The following HUNK variants were observed in gnomAD, a reference collection of about 807,000 sequenced individuals.
The protein encoded by HUNK is hormonally up-regulated Neu-associated kinase, also known as hormonally up-regulated neu tumor-associated kinase.
A neutral mutation model predicts 61.0 loss-of-function variants in HUNK; 21 were observed. The ratio of observed to expected loss-of-function variants is 0.34; its 90% CI spans 0.24 to 0.50. The LOEUF (loss-of-function observed/expected upper bound fraction) is 0.50. Among genes scored for constraint, HUNK ranks in the 20% least tolerant of loss-of-function variants. The pLI, the probability that HUNK is intolerant of heterozygous loss-of-function variation, is 0.98. For missense variants in HUNK, 772 were observed against 945.7 expected, an observed-to-expected ratio of 0.82 and a Z score of 2.41; for synonymous variants, 371 against 386.1, an observed-to-expected ratio of 0.96 and a Z score of 0.46.
At chr21:31,927,592 C>T (rs895629574) in intron 2 of HUNK, among the ~76,000 whole-genome samples, 4 of 151,690 alleles carry the variant, frequency 2.6e-5, no homozygotes, top group Non-Finnish European at 4.4e-5. Flanking sequence ...TGCAGTGAGC[C>T]GAGATCACGC....
chr21:31,875,193 G>A, intron 1 of HUNK, among the ~76,000 whole-genome samples: 1 of 152,196 alleles, frequency 6.6e-6, no homozygotes, highest in East Asian at 1.9e-4. Context: ...CCTCTGCCCA[G>A]CCTGGGGCTG....
intron 1 of HUNK, among the ~76,000 whole-genome samples, chr21:31,895,819 C>G (rs73191255): frequency 0.012 from 1,774 of 152,278 alleles, 9 homozygotes; most frequent in Middle Eastern, 0.027. Context: ...TTACCTTGAA[C>G]CTGACAAGTC....
intron 1 of HUNK, among the ~76,000 whole-genome samples, chr21:31,917,757 C>CA (rs2052595538): frequency 4.8e-5 from 7 of 146,866 alleles, no homozygotes; most frequent in South Asian, 2.2e-4. Flanking sequence ...CACACACACA[C>CA]CCCTGGACTG....
chr21:31,944,287 C>T (rs995049952), intron 3 of HUNK, among the ~76,000 whole-genome samples: 7 of 152,244 alleles, frequency 4.6e-5, no homozygotes, highest in Non-Finnish European at 8.8e-5. Context: ...CCATGTTGCC[C>T]AGGGTGGTTT....
At chr21:31,959,718 G>A (rs1463344662) in intron 5 of HUNK, among the ~76,000 whole-genome samples, 1 of 152,234 alleles carries the variant, frequency 6.6e-6, no homozygotes, top group East Asian at 1.9e-4. Flanking sequence ...GAAGAAAGCA[G>A]TTATTTAACT....
chr21:31,934,788 C>T (rs1295717175), intron 2 of HUNK, among the ~76,000 whole-genome samples: 1 of 151,978 alleles, frequency 6.6e-6, no homozygotes, highest in Non-Finnish European at 1.5e-5. Context: ...TGTTAATTTG[C>T]TCAGGATAAT....
intron 5 of HUNK, among the ~76,000 whole-genome samples, chr21:31,961,363 A>G (rs56337384): frequency 0.048 from 7,367 of 152,144 alleles, 633 homozygotes; most frequent in African/African-American, 0.17. Flanking sequence ...GTAAACATTC[A>G]TGTTTAAGTT....
intron 1 of HUNK, among the ~76,000 whole-genome samples, chr21:31,905,609 AT>A (rs2052499686): frequency 6.6e-6 from 1 of 152,156 alleles, no homozygotes; most frequent in South Asian, 2.1e-4. Context: ...GAGAGCCATT[AT>A]CTGCTGTCAG....
At chr21:31,937,957 G>A (rs1167418705) in intron 2 of HUNK, among the ~76,000 whole-genome samples, 1 of 152,198 alleles carries the variant, frequency 6.6e-6, no homozygotes, top group Non-Finnish European at 1.5e-5. Flanking sequence ...GGGAAAGTAT[G>A]TAATTCTTCT....
At chr21:31,921,913 G>A (rs1477828412) in intron 1 of HUNK, among the ~76,000 whole-genome samples, 2 of 152,004 alleles carry the variant, frequency 1.3e-5, no homozygotes, top group African/African-American at 2.4e-5. Flanking sequence ...AAGTGAGCAT[G>A]TTGTGAAATG....
At chr21:31,902,236 C>T (rs532271917) in intron 1 of HUNK, among the ~76,000 whole-genome samples, 7 of 152,276 alleles carry the variant, frequency 4.6e-5, no homozygotes, top group Admixed American at 1.3e-4. Flanking sequence ...CACGGCCGGG[C>T]GCGGTGGCTC....
intron 5 of HUNK, among the ~76,000 whole-genome samples, chr21:31,967,752 G>T (rs1385191478): frequency 2.0e-5 from 3 of 152,118 alleles, no homozygotes; most frequent in Admixed American, 2.0e-4. Flanking sequence ...AACTTAGGAT[G>T]CCTGTACACT....
intron 4 of HUNK, among the ~76,000 whole-genome samples, chr21:31,956,241 C>T (rs2123839174): frequency 6.6e-6 from 1 of 152,304 alleles, no homozygotes; most frequent in Non-Finnish European, 1.5e-5. Context: ...TAGACATTGG[C>T]TTAGCCTTGG....
chr21:31,913,674 G>A (rs1198847559), intron 1 of HUNK, among the ~76,000 whole-genome samples: 1 of 151,914 alleles, frequency 6.6e-6, no homozygotes, highest in Non-Finnish European at 1.5e-5. Context: ...AGCAGGACAG[G>A]CATTGGCACT....
At chr21:31,959,879 A>G (rs1364537077) in intron 5 of HUNK, among the ~76,000 whole-genome samples, 2 of 152,208 alleles carry the variant, frequency 1.3e-5, no homozygotes, top group Non-Finnish European at 2.9e-5. Flanking sequence ...CTTGTATGCA[A>G]TTATCTAATT....
chr21:31,896,907 T>C (rs975907340), intron 1 of HUNK, among the ~76,000 whole-genome samples: 2 of 152,218 alleles, frequency 1.3e-5, no homozygotes, highest in Non-Finnish European at 2.9e-5. Flanking sequence ...CATGATGTCA[T>C]GTGGATTAGT....
intron 2 of HUNK, among the ~76,000 whole-genome samples, chr21:31,937,271 C>T (rs2052738761): frequency 6.6e-6 from 1 of 152,152 alleles, no homozygotes; most frequent in Admixed American, 6.5e-5. Flanking sequence ...AGAGAAGACA[C>T]ATAAACCTTT....
At chr21:31,995,187 A>G (rs1365980890) in intron 9 of HUNK, among the ~76,000 whole-genome samples, 3 of 149,618 alleles carry the variant, frequency 2.0e-5, no homozygotes, top group Non-Finnish European at 4.4e-5. Flanking sequence ...AAAAAGCTTC[A>G]TACACACGTT....
intron 3 of HUNK, among the ~76,000 whole-genome samples, chr21:31,943,990 T>C (rs1160479452): frequency 2.6e-5 from 4 of 152,268 alleles, no homozygotes; most frequent in Non-Finnish European, 5.9e-5. Context: ...CACACATTTG[T>C]TTGTTCATTA....
Sources: gnomAD v4.1 joint callset for allele counts (sites outside exome capture counted in the v4.1 genomes callset) on GRCh38, gnomAD v4.1.1 for gene constraint, MANE v1.5 for transcripts, NCBI Gene and HGNC (gene_info 2026-07-23, HGNC 2026-07-21) for gene names.